The following CSMD1 variants were observed in gnomAD, a reference collection of about 807,000 sequenced individuals.
CSMD1 encodes CUB and sushi domain-containing protein 1.
Under a neutral mutation model 417.5 loss-of-function variants are expected in CSMD1, and 213 were observed. The ratio of observed to expected loss-of-function variants is 0.51; its 90% CI spans 0.46 to 0.57. The LOEUF (loss-of-function observed/expected upper bound fraction) is 0.57. CSMD1 is among the 20% of genes least tolerant of loss of function. The probability of loss-of-function intolerance (pLI) is 0.00; values close to 1 mark genes in which losing one functional copy is unlikely to be tolerated. For synonymous variants in CSMD1, 2,862 were observed against 1,736.8 expected (o/e 1.65, Z -16.11); for missense variants, 6,923 against 4,529.7 (o/e 1.53, Z -15.17).
At chr8:4,443,537 G>A (rs1441142773) in intron 2 of CSMD1, among the ~76,000 whole-genome samples, 2 of 152,088 alleles carry the variant, frequency 1.3e-5, no homozygotes, top group African/African-American at 4.8e-5. Context: ...AGAATTTCAC[G>A]AATGATATGT....
intron 2 of CSMD1, among the ~76,000 whole-genome samples, chr8:4,534,830 T>A (rs1372875086): frequency 6.6e-6 from 1 of 152,160 alleles, no homozygotes; most frequent in East Asian, 1.9e-4. Context: ...TAGTGTGATC[T>A]CAGCTCGATG....
intron 1 of CSMD1, among the ~76,000 whole-genome samples, chr8:4,948,701 C>A (rs1297298512): frequency 6.6e-6 from 1 of 151,940 alleles, no homozygotes; most frequent in Non-Finnish European, 1.5e-5. Context: ...TGTGTATAAT[C>A]TTTTGAATTT....
At chr8:4,686,790 G>C (rs908560747) in intron 1 of CSMD1, among the ~76,000 whole-genome samples, 6 of 152,176 alleles carry the variant, frequency 3.9e-5, no homozygotes, top group African/African-American at 1.2e-4. Context: ...TCGCTTCAGA[G>C]ACCCATTTGA....
At chr8:4,205,568 G>A (rs993933735) in intron 3 of CSMD1, among the ~76,000 whole-genome samples, 28 of 152,192 alleles carry the variant, frequency 1.8e-4, no homozygotes, top group Admixed American at 1.8e-3. Flanking sequence ...TCACTGAAGT[G>A]ACACAGCATA....
intron 1 of CSMD1, among the ~76,000 whole-genome samples, chr8:4,836,264 G>A (rs778900602): frequency 3.9e-5 from 6 of 152,064 alleles, no homozygotes; most frequent in Non-Finnish European, 5.9e-5. Flanking sequence ...AAATTATAAC[G>A]TGAAGACTAA....
At chr8:3,452,224 A>T (rs1003660421) in intron 12 of CSMD1, among the ~76,000 whole-genome samples, 1 of 152,160 alleles carries the variant, frequency 6.6e-6, no homozygotes, top group Non-Finnish European at 1.5e-5. Flanking sequence ...GGGCTGAGAC[A>T]ATGGGGTTTT....
At chr8:4,392,239 G>A (rs778446141) in intron 3 of CSMD1, among the ~76,000 whole-genome samples, 1 of 152,144 alleles carries the variant, frequency 6.6e-6, no homozygotes, top group Non-Finnish European at 1.5e-5. Context: ...CAATTTACTT[G>A]TGAGGATATA....
At chr8:4,634,943 A>G (rs1284180303) in intron 2 of CSMD1, among the ~76,000 whole-genome samples, 1 of 152,186 alleles carries the variant, frequency 6.6e-6, no homozygotes, top group Admixed American at 6.5e-5. Context: ...AACGGTTCCC[A>G]AAGAAATCAC....
intron 6 of CSMD1, among the ~76,000 whole-genome samples, chr8:3,712,868 C>T (rs6984843): frequency 0.33 from 49,998 of 151,894 alleles, 8,385 homozygotes; most frequent in East Asian, 0.49. Context: ...TGGGGAGATG[C>T]TGGTCAAAAG....
chr8:3,545,910 G>A (rs1798638990), intron 10 of CSMD1, among the ~76,000 whole-genome samples: 2 of 152,180 alleles, frequency 1.3e-5, no homozygotes, highest in South Asian at 2.1e-4. Flanking sequence ...TATAGTGAAT[G>A]CATAGTGGGG....
intron 1 of CSMD1, among the ~76,000 whole-genome samples, chr8:4,652,177 G>C (rs1803939608): frequency 6.6e-6 from 1 of 152,170 alleles, no homozygotes; most frequent in Non-Finnish European, 1.5e-5. Context: ...ATAAAGCATT[G>C]AGGGATTGCA....
chr8:4,637,965 C>A (rs533051247), intron 1 of CSMD1, among the ~76,000 whole-genome samples: 10 of 152,208 alleles, frequency 6.6e-5, no homozygotes, highest in Middle Eastern at 3.4e-3. Context: ...CCACCGCGCC[C>A]GGCCTAGCCA....
chr8:4,961,337 T>C (rs896812078), intron 1 of CSMD1, among the ~76,000 whole-genome samples: 17 of 152,120 alleles, frequency 1.1e-4, no homozygotes, highest in African/African-American at 4.1e-4. Flanking sequence ...TAGAGCCTTT[T>C]CAAACATTCT....
At chr8:4,478,089 G>A (rs972484575) in intron 2 of CSMD1, among the ~76,000 whole-genome samples, 1 of 151,934 alleles carries the variant, frequency 6.6e-6, no homozygotes, top group African/African-American at 2.4e-5. Context: ...GTTTTTTTAT[G>A]GGGCCATAAG....
chr8:4,416,858 T>C (rs998528421), intron 3 of CSMD1, among the ~76,000 whole-genome samples: 3 of 152,040 alleles, frequency 2.0e-5, no homozygotes, highest in African/African-American at 7.2e-5. Flanking sequence ...GAAGAAACAT[T>C]ACACAAATAA....
chr8:3,504,213 C>T (rs777423867), intron 10 of CSMD1, among the ~76,000 whole-genome samples: 2 of 151,760 alleles, frequency 1.3e-5, no homozygotes, highest in Non-Finnish European at 2.9e-5. Flanking sequence ...ACCCCATAAA[C>T]AGGTACAATT....
At chr8:4,446,757 G>GTGTGTGTGTGTGTGTGTC (rs1798828449) in intron 2 of CSMD1, among the ~76,000 whole-genome samples, 20 of 26,288 alleles carry the variant, frequency 7.6e-4, no homozygotes, top group African/African-American at 2.6e-3. Context: ...GTGTGTGTCT[G>GTGTGTGTGTGTGTGTGTC]TGTGTGTGTG....
chr8:3,940,812 A>G (rs1047351096), intron 5 of CSMD1, among the ~76,000 whole-genome samples: 2 of 151,954 alleles, frequency 1.3e-5, no homozygotes, highest in African/African-American at 4.8e-5. Context: ...TATAACAAAT[A>G]TCTTAAAAAC....
At chr8:3,788,312 A>T (rs1799555268) in intron 5 of CSMD1, among the ~76,000 whole-genome samples, 1 of 152,186 alleles carries the variant, frequency 6.6e-6, no homozygotes, top group South Asian at 2.1e-4. Flanking sequence ...TAAAATGCAT[A>T]ATAAATTAAG....
Sources: allele counts gnomAD v4.1 joint callset (sites outside exome capture counted in the v4.1 genomes callset), GRCh38; gene constraint gnomAD v4.1.1; transcripts MANE v1.5; gene names NCBI Gene and HGNC (gene_info 2026-07-23, HGNC 2026-07-21).